PRDM1: variants seen among roughly 807,000 people sequenced by gnomAD.
PRDM1 encodes PR domain zinc finger protein 1.
Under a neutral mutation model 62.8 loss-of-function variants are expected in PRDM1, and 13 were observed. That is an observed-to-expected ratio of 0.21 (90% CI 0.13 to 0.33). PRDM1 has a LOEUF of 0.33. Ranked by LOEUF, PRDM1 falls within the 10% of genes least tolerant of loss-of-function variation. PRDM1 has a pLI of 1.00. For synonymous variants in PRDM1, 396 were observed against 417.6 expected (o/e 0.95, Z 0.63); for missense variants, 895 against 1,058.8 (o/e 0.85, Z 2.15).
chr6:106,104,682 T>G, intron 4 of PRDM1, 143 bp from the exon 5 acceptor site: 23 of 1,076,040 alleles, frequency 2.1e-5, no homozygotes, highest in Non-Finnish European at 3.0e-5. Context: ...CCTTCTAGAA[T>G]GAGAGTGCGT....
At chr6:106,049,179 G>A (rs909760706) in intron 1 of PRDM1, among the ~76,000 whole-genome samples, 5 of 152,160 alleles carry the variant, frequency 3.3e-5, no homozygotes, top group Admixed American at 1.3e-4. Context: ...ATAGTATGGT[G>A]AGTATGAGAG....
At chr6:106,010,232 T>C (rs1266544019) in intron 1 of PRDM1, among the ~76,000 whole-genome samples, 1 of 152,212 alleles carries the variant, frequency 6.6e-6, no homozygotes, top group African/African-American at 2.4e-5. Context: ...TCGACAGGCG[T>C]TTCTAATCCT....
chr6:106,030,770 G>A (rs1000047613), intron 1 of PRDM1, among the ~76,000 whole-genome samples: 4 of 152,108 alleles, frequency 2.6e-5, no homozygotes, highest in South Asian at 2.1e-4. Context: ...GTCCAGCACC[G>A]TATGCTAAAA....
chr6:106,051,198 T>C (rs1773168125), intron 1 of PRDM1, among the ~76,000 whole-genome samples: 2 of 152,250 alleles, frequency 1.3e-5, no homozygotes, highest in Admixed American at 6.5e-5. Context: ...TCCTTAATTG[T>C]ACCTAGGAAT....
At position 106,107,834 on chromosome 6, in the gene PRDM1, A is replaced by T; in HGVS notation, c.*348A>T. On this transcript the variant is annotated 3_prime_UTR_variant, in exon 7 of 7. Transcript: ENST00000369096. Reference sequence around the variant, plus strand: ...ATTACCTAGTCATAATTATTTTTTCAATGATAATCCTTCATAATTTATTAT... The same window carrying T: ...ATTACCTAGTCATAATTATTTTTTCTATGATAATCCTTCATAATTTATTAT... The T allele has an allele frequency of 4.3e-6, 1 of 232,174 alleles. No individual in the cohort carries two copies. Among genetic ancestry groups the T allele is most frequent in the South Asian group, 1.8e-4 (1 of 5,510 alleles). The allele number at this position is 232,174 out of a possible 1,614,324, so 14.4% of individuals were successfully genotyped here. A position where few individuals can be genotyped will look rare whatever the true frequency, so the allele number is the denominator to read the frequency against.
intron 1 of PRDM1, among the ~76,000 whole-genome samples, chr6:106,025,130 T>G (rs1309594689): frequency 6.6e-6 from 1 of 152,224 alleles, no homozygotes; most frequent in East Asian, 1.9e-4. Context: ...CTGAGCAATC[T>G]AAAGTTAAAG....
rs1773866589 is a variant in PRDM1, at chr6:106,088,327, A to G, written c.169A>G (p.Lys57Glu). The stretch of plus-strand genomic sequence containing the variant: ...GTGGACAGAGGCTGAGTTTGAAGAG[A>G]AGTGTACATACATTGTGAACGACCA... ...TLWTEAEFEE[K>E]CTYIVNDHPW... The change falls in exon 2 of 7, where the codon AAG becomes GAG. Residue 57 changes from lysine to glutamate, a missense_variant. This residue lies in a region of PRDM1 where 213 missense variants were observed against 283.9 expected (regional missense o/e 0.75). Coordinates refer to ENST00000369096, the MANE Select transcript of PRDM1 (RefSeq NM_001198.4). The G allele has an allele frequency of 6.2e-7, 1 of 1,614,124 alleles. No homozygotes were observed. The highest frequency in any genetic ancestry group is 8.5e-7 in the Non-Finnish European group (1 of 1,180,034).
At chr6:106,056,216 C>A (rs1284692021) in intron 1 of PRDM1, among the ~76,000 whole-genome samples, 1 of 152,144 alleles carries the variant, frequency 6.6e-6, no homozygotes, top group African/African-American at 2.4e-5. Flanking sequence ...GGGCTACTGG[C>A]CTTCCCACTC....
intron 1 of PRDM1, among the ~76,000 whole-genome samples, chr6:106,042,383 C>T (rs62420727): frequency 0.043 from 6,485 of 151,226 alleles, 158 homozygotes; most frequent in Non-Finnish European, 0.059. Context: ...AAAAATTAGC[C>T]GGGCGTGGTG....
chr6:106,003,160 T>A (rs1772447086), intron 1 of PRDM1, among the ~76,000 whole-genome samples: 1 of 152,170 alleles, frequency 6.6e-6, no homozygotes, highest in Non-Finnish European at 1.5e-5. Flanking sequence ...TACATAAGCA[T>A]GCATATTATG....
intron 4 of PRDM1, among the ~76,000 whole-genome samples, chr6:106,102,369 G>A (rs1215756031): frequency 2.6e-5 from 4 of 152,220 alleles, no homozygotes; most frequent in Admixed American, 1.3e-4. Flanking sequence ...CACCTTTACT[G>A]TATATGGACT....
chr6:106,034,708 T>C (rs1231916374), intron 1 of PRDM1, among the ~76,000 whole-genome samples: 2 of 143,112 alleles, frequency 1.4e-5, no homozygotes, highest in Non-Finnish European at 3.0e-5. Context: ...CTTAGCTCAC[T>C]GCAACCTCCA....
At chr6:106,009,285 C>T (rs1772517640) in intron 1 of PRDM1, among the ~76,000 whole-genome samples, 1 of 152,232 alleles carries the variant, frequency 6.6e-6, no homozygotes, top group Non-Finnish European at 1.5e-5. Flanking sequence ...AAAGTGGATT[C>T]ATTCCAGTTC....
intron 1 of PRDM1, among the ~76,000 whole-genome samples, chr6:106,081,151 T>G (rs1053128704): frequency 1.3e-5 from 2 of 152,226 alleles, no homozygotes; most frequent in African/African-American, 4.8e-5. Context: ...ACCTCTCAGG[T>G]GGGTGGAGGT....
chr6:106,011,088 T>C (rs1772539699), intron 1 of PRDM1, among the ~76,000 whole-genome samples: 1 of 152,188 alleles, frequency 6.6e-6, no homozygotes, highest in Admixed American at 6.5e-5. Flanking sequence ...TTCATCTTCA[T>C]TGTCTTCTCT....
intron 1 of PRDM1, among the ~76,000 whole-genome samples, chr6:106,072,808 C>A (rs1773539972): frequency 6.6e-6 from 1 of 152,222 alleles, no homozygotes; most frequent in Non-Finnish European, 1.5e-5. Context: ...CAATACTCCT[C>A]ATCCCACACA....
chr6:106,078,375 G>T (rs1216413254), intron 1 of PRDM1: 1 of 152,142 alleles, frequency 6.6e-6, no homozygotes, highest in East Asian at 1.9e-4. Context: ...CAAAATTAAA[G>T]GGTGACTGCT....
rs1582484405 is a variant in PRDM1 at position 106,108,311 on chromosome 6, T to C, written c.*825T>C. On this transcript the variant is annotated 3_prime_UTR_variant, in exon 7 of 7. Coordinates refer to ENST00000369096, the MANE Select transcript of PRDM1 (RefSeq NM_001198.4). ...CTCTCCCTCCAAAAGAGCAGAATCC[T>C]CCCACCGCCCTGCCCTCCCCACCGA... is the stretch of plus-strand genomic sequence containing the variant. The C allele has an allele frequency of 1.7e-5, 4 of 233,474 alleles. No homozygotes were observed. In the East Asian group the frequency reaches 2.4e-4, roughly 14 times the overall value. The allele number at this position is 233,474 out of a possible 1,614,324, so 14.5% of individuals were successfully genotyped here.
At chr6:106,004,715 T>A (rs182719651) in intron 1 of PRDM1, among the ~76,000 whole-genome samples, 201 of 152,350 alleles carry the variant, frequency 1.3e-3, no homozygotes, top group African/African-American at 4.7e-3. Flanking sequence ...CATGCTGTTA[T>A]GAATATATTA....
Sources: gnomAD v4.1 joint callset for allele counts (sites outside exome capture counted in the v4.1 genomes callset) on GRCh38, gnomAD v4.1.1 for gene constraint, gnomAD v4.1.1 regional missense constraint, MANE v1.5 for transcripts, NCBI Gene and HGNC (gene_info 2026-07-23, HGNC 2026-07-21) for gene names.